STRBP: variants seen among roughly 807,000 people sequenced by gnomAD.
STRBP encodes spermatid perinuclear RNA binding protein, also known as spermatid perinuclear RNA-binding protein.
Under a neutral mutation model 80.1 loss-of-function variants are expected in STRBP, and 13 were observed. The observed-to-expected ratio is 0.16, with a 90% CI of 0.11 to 0.26. The LOEUF (loss-of-function observed/expected upper bound fraction) is 0.26. Among genes scored for constraint, STRBP ranks in the 10% least tolerant of loss-of-function variants. The probability of loss-of-function intolerance (pLI) is 1.00; values close to 1 mark genes in which losing one functional copy is unlikely to be tolerated. For synonymous variants in STRBP, 284 were observed against 291.2 expected (o/e 0.98, Z 0.25); for missense variants, 485 against 815.2 (o/e 0.59, Z 4.93).
intron 1 of STRBP, among the ~76,000 whole-genome samples, chr9:123,250,504 G>A (rs144759815): frequency 7.9e-5 from 12 of 152,102 alleles, no homozygotes; most frequent in African/African-American, 2.7e-4. Context: ...TTGTAAAAGG[G>A]TCTATAGTTA....
chr9:123,185,741 G>A (rs1285185844), intron 2 of STRBP, among the ~76,000 whole-genome samples: 6 of 152,104 alleles, frequency 3.9e-5, no homozygotes, highest in Non-Finnish European at 7.4e-5. Flanking sequence ...AGCCAAAAAC[G>A]ATTGCTATGT....
At chr9:123,234,578 C>T (rs529155492) in intron 2 of STRBP, among the ~76,000 whole-genome samples, 8 of 152,312 alleles carry the variant, frequency 5.3e-5, no homozygotes, top group Admixed American at 2.0e-4. Context: ...GTGTTCTTCC[C>T]ATCCTAGTTG....
At chr9:123,127,421 C>A (rs904310405) in intron 18 of STRBP, among the ~76,000 whole-genome samples, 1 of 152,214 alleles carries the variant, frequency 6.6e-6, no homozygotes, top group Non-Finnish European at 1.5e-5. Context: ...CACACACTCT[C>A]ATGCTCTCTT....
intron 1 of STRBP, among the ~76,000 whole-genome samples, chr9:123,263,526 A>AG: frequency 6.9e-6 from 1 of 145,864 alleles, no homozygotes; most frequent in Admixed American, 6.8e-5. Context: ...CCCTGTCTCA[A>AG]AAAAAAAAAA....
chr9:123,146,985 T>TG lies in STRBP; in HGVS notation c.1207dup (p.Gln403ProfsTer3). On this transcript the variant is annotated frameshift_variant, in exon 13 of 19. Transcript: ENST00000348403. LOFTEE classifies it high-confidence loss of function. ...GCCAGACTGAGATAGGAGCTTATACTGAAGCCCAGGCCTGATCTGATTTAG... is the reference window on the plus strand; with the variant it reads ...GCCAGACTGAGATAGGAGCTTATACTGGAAGCCCAGGCCTGATCTGATTTAG... The TG allele has an allele frequency of 6.2e-7, 1 of 1,614,138 alleles. No individual in the cohort carries two copies.
intron 2 of STRBP, among the ~76,000 whole-genome samples, chr9:123,209,868 C>T (rs1439117499): frequency 6.6e-6 from 1 of 152,130 alleles, no homozygotes; most frequent in Non-Finnish European, 1.5e-5. Flanking sequence ...TACACACACA[C>T]ACAAATTTAT....
chr9:123,257,835 G>GTA (rs935856360), intron 1 of STRBP, among the ~76,000 whole-genome samples: 15 of 151,008 alleles, frequency 9.9e-5, no homozygotes, highest in East Asian at 3.9e-4. Flanking sequence ...AATAATAATT[G>GTA]TATATATATA....
chr9:123,120,519 C>CA (rs1387752047), downstream of STRBP, among the ~76,000 whole-genome samples: 2 of 131,300 alleles, frequency 1.5e-5, no homozygotes, highest in East Asian at 4.5e-4. Context: ...GCGGGGAAAG[C>CA]AGGGGGGATC....
At chr9:123,181,800 CAAAAAAAAAAAAAAAAAAA>C (rs56785428) in intron 3 of STRBP, among the ~76,000 whole-genome samples, 5 of 25,778 alleles carry the variant, frequency 1.9e-4, no homozygotes, top group South Asian at 5.3e-3. Context: ...AACTTCGTCT[CAAAAAAAAAAAAAAAAAAA>C]AAAAAAAAAA....
intron 2 of STRBP, among the ~76,000 whole-genome samples, chr9:123,199,931 T>C (rs932274474): frequency 2.1e-4 from 32 of 152,214 alleles, no homozygotes; most frequent in African/African-American, 7.5e-4. Context: ...AAAGTGGGCA[T>C]CCTTGTCTTG....
At chr9:123,236,487 G>A (rs551152877) in intron 2 of STRBP, among the ~76,000 whole-genome samples, 5 of 152,174 alleles carry the variant, frequency 3.3e-5, no homozygotes, top group South Asian at 2.1e-4. Context: ...GGCAATACAA[G>A]TTCTTAACGT....
Position 123,122,783 on chromosome 9 carries a change from T to C in STRBP, c.*2814A>G. Reference sequence around the variant, plus strand: ...ACGCTAACTGACGCAGTCAGGAATGTAACTATTTATGTGCTAAAAAGTGTA... The same window carrying C: ...ACGCTAACTGACGCAGTCAGGAATGCAACTATTTATGTGCTAAAAAGTGTA... On this transcript the variant is annotated 3_prime_UTR_variant, in exon 19 of 19. Coordinates refer to ENST00000348403, the MANE Select transcript of STRBP (RefSeq NM_018387.5). 3.0e-6 allele frequency: 3 copies of C among 991,460 alleles called. No homozygotes were observed. The highest frequency in any genetic ancestry group is 3.6e-6 in the Non-Finnish European group (3 of 833,954). 61.4% of individuals were successfully genotyped at this position (991,460 alleles called of 1,614,324 possible). A position where few individuals can be genotyped will look rare whatever the true frequency, so the allele number is the denominator to read the frequency against.
At chr9:123,225,295 T>C (rs969541197) in intron 2 of STRBP, among the ~76,000 whole-genome samples, 1 of 152,172 alleles carries the variant, frequency 6.6e-6, no homozygotes, top group African/African-American at 2.4e-5. Context: ...ATGTAGTTTG[T>C]TTTACACTTT....
chr9:123,173,538 T>C, intron 5 of STRBP, 139 bp downstream of exon 5: 1 of 809,856 alleles, frequency 1.2e-6, no homozygotes, highest in South Asian at 2.2e-5. Flanking sequence ...AATTAGTCAT[T>C]GACCCAGAGT....
intron 2 of STRBP, among the ~76,000 whole-genome samples, chr9:123,194,605 T>C (rs988292361): frequency 6.6e-6 from 1 of 152,150 alleles, no homozygotes; most frequent in African/African-American, 2.4e-5. Flanking sequence ...CTTTGGGTTT[T>C]TATTTCCTCT....
intron 2 of STRBP, among the ~76,000 whole-genome samples, chr9:123,227,995 T>C (rs2040292625): frequency 6.6e-6 from 1 of 152,158 alleles, no homozygotes. Flanking sequence ...ACGAGGGTAA[T>C]GGCAACGGCA....
At chr9:123,167,470 T>G (rs2037818212) in intron 6 of STRBP, among the ~76,000 whole-genome samples, 2 of 151,982 alleles carry the variant, frequency 1.3e-5, no homozygotes, top group Non-Finnish European at 2.9e-5. Context: ...AGGTCTGAAG[T>G]GCGTAATTAT....
chr9:123,194,943 A>G (rs2039043977), intron 2 of STRBP, among the ~76,000 whole-genome samples: 1 of 152,086 alleles, frequency 6.6e-6, no homozygotes, highest in Non-Finnish European at 1.5e-5. Flanking sequence ...TCTCTTCTCT[A>G]TCTTACCTTC....
At chr9:123,224,903 G>A (rs7031111) in intron 2 of STRBP, among the ~76,000 whole-genome samples, 47,920 of 152,114 alleles carry the variant, frequency 0.32, 10,858 homozygotes, top group East Asian at 0.69. Flanking sequence ...ACCAGAGGAC[G>A]TGCAAATATG....
Sources: gnomAD v4.1 joint callset for allele counts (sites outside exome capture counted in the v4.1 genomes callset) on GRCh38, gnomAD v4.1.1 for gene constraint, MANE v1.5 for transcripts, NCBI Gene and HGNC (gene_info 2026-07-23, HGNC 2026-07-21) for gene names.